Variants in NFILZ observed in about 807,000 individuals in gnomAD.
NFILZ encodes NFIL3 like protein.
chr19:8,643,981 C>A (rs2042928984), intron 3 of NFILZ, among the ~76,000 whole-genome samples: 1 of 152,086 alleles, frequency 6.6e-6, no homozygotes, highest in Non-Finnish European at 1.5e-5. Flanking sequence ...TCTCTCTCAG[C>A]CATTTGCATT....
In NFILZ at chr19:8,678,184, T is replaced by TCCTTCCATCCATTCATCCATCCGTCCAC. The variant is rs1568426465; in HGVS notation, c.*551_*552insTTCCATCCATTCATCCATCCGTCCACCC. On this transcript the variant is annotated 3_prime_UTR_variant, in exon 6 of 6. Coordinates refer to ENST00000691075, the MANE Select transcript of NFILZ (RefSeq NM_001378600.1). ...ATCCATCCATCCATCCATCCATCCA[T>TCCTTCCATCCATTCATCCATCCGTCCAC]CCATCCGTCCATCTATCCATCCATC... 2.0e-5 allele frequency among the ~76,000 whole-genome samples: 1 copy of TCCTTCCATCCATTCATCCATCCGTCCAC among 49,384 alleles called. No homozygotes were observed. The highest frequency in any genetic ancestry group is 2.5e-4 in the Admixed American group (1 of 3,926). 32.4% of individuals were successfully genotyped at this position (49,384 alleles called of 152,430 possible). A position where few individuals can be genotyped will look rare whatever the true frequency, so the allele number is the denominator to read the frequency against.
chr19:8,652,393 G>T (rs537040398), intron 3 of NFILZ, among the ~76,000 whole-genome samples: 43 of 152,296 alleles, frequency 2.8e-4, no homozygotes, highest in African/African-American at 9.6e-4. Context: ...TTGAGCCACC[G>T]CTCCTGGCTG....
Position 8,635,682 on chromosome 19 carries a change from T to C in NFILZ, c.-228T>C, listed in dbSNP as rs2042891341. ...AGTTGTTTCCAGTTTTGGTGACGAA[T>C]GCCCAAATTCATAGGCGATGATAAA... On this transcript the variant is annotated 5_prime_UTR_variant, in exon 3 of 6. It removes an upstream start codon present in the reference 5' UTR. Coordinates refer to ENST00000691075, the MANE Select transcript of NFILZ (RefSeq NM_001378600.1). The C allele has an allele frequency of 6.6e-6, 1 of 152,202 alleles. No homozygotes were observed. The highest frequency in any genetic ancestry group is 1.5e-5 in the Non-Finnish European group (1 of 68,036). The allele number at this position is 152,202 out of a possible 1,614,324, so 9.4% of individuals were successfully genotyped here. A position where few individuals can be genotyped will look rare whatever the true frequency, so the allele number is the denominator to read the frequency against.
At chr19:8,673,492 C>T (rs781846004) in intron 3 of NFILZ, among the ~76,000 whole-genome samples, 3 of 152,210 alleles carry the variant, frequency 2.0e-5, no homozygotes, top group Non-Finnish European at 4.4e-5. Flanking sequence ...TGTGGAGCCG[C>T]CTACCACTAC....
At chr19:8,659,513 G>A (rs1028854698) in intron 3 of NFILZ, among the ~76,000 whole-genome samples, 2 of 152,138 alleles carry the variant, frequency 1.3e-5, no homozygotes, top group Non-Finnish European at 2.9e-5. Flanking sequence ...AGTGTGGCTG[G>A]AGTAGGGTCA....
rs116388009 is a variant in NFILZ at position 8,653,374 on chromosome 19, C to T, written c.-164+17628C>T. Among the ~76,000 whole-genome samples the T allele has an allele frequency of 7.4e-3, 1,134 of 152,260 alleles. 19 individuals carry two copies. The highest frequency in any genetic ancestry group is 0.026 in the African/African-American group (1,076 of 41,536). ...GAGATTACAGGCATGAGCTACTGCGCCTGGCCTGCATTTATTTCATGGTTA... is the reference window on the plus strand; with the variant it reads ...GAGATTACAGGCATGAGCTACTGCGTCTGGCCTGCATTTATTTCATGGTTA... On this transcript the variant is annotated intron_variant, in intron 3 of 5. Coordinates refer to ENST00000691075, the MANE Select transcript of NFILZ (RefSeq NM_001378600.1).
intron 3 of NFILZ, among the ~76,000 whole-genome samples, chr19:8,641,829 CT>C (rs3040050): frequency 0.15 from 22,068 of 147,416 alleles, 2,268 homozygotes; most frequent in East Asian, 0.43. Flanking sequence ...TAAATGATAG[CT>C]TTTTTTTTTT....
chr19:8,677,917 T>C lies in NFILZ; in HGVS notation c.*282T>C. ...CCTCTTCCTTCCTCCTTTCCATTTA[T>C]CTATTCTTCCCTATAGCCATCCATT... On this transcript the variant is annotated 3_prime_UTR_variant, in exon 6 of 6. Transcript: ENST00000691075. Among the ~76,000 whole-genome samples the C allele has an allele frequency of 6.6e-6, 1 of 152,032 alleles. No individual in the cohort carries two copies. Among genetic ancestry groups the C allele is most frequent in the Non-Finnish European group, 1.5e-5 (1 of 67,988 alleles).
intron 3 of NFILZ, among the ~76,000 whole-genome samples, chr19:8,644,339 G>A (rs1367108644): frequency 1.3e-5 from 2 of 152,014 alleles, no homozygotes; most frequent in Non-Finnish European, 2.9e-5. Flanking sequence ...GACCTCAAGT[G>A]ATCCACATGC....
intron 3 of NFILZ, among the ~76,000 whole-genome samples, chr19:8,673,234 G>C (rs1267146616): frequency 1.3e-5 from 2 of 152,144 alleles, no homozygotes; most frequent in African/African-American, 4.8e-5. Flanking sequence ...AACTTTTCCT[G>C]AGCCTCAGTT....
chr19:8,638,062 A>C (rs1729217265), intron 3 of NFILZ, among the ~76,000 whole-genome samples: 1 of 152,160 alleles, frequency 6.6e-6, no homozygotes, highest in Non-Finnish European at 1.5e-5. Flanking sequence ...AGGCCACCTT[A>C]ATAGAGCAAA....
intron 3 of NFILZ, among the ~76,000 whole-genome samples, chr19:8,654,548 G>A (rs1161306811): frequency 6.6e-6 from 1 of 152,222 alleles, no homozygotes; most frequent in East Asian, 1.9e-4. Flanking sequence ...CCAGGAGGTC[G>A]AGGCTGCAGT....
chr19:8,662,607 G>A (rs1415017833), intron 3 of NFILZ, among the ~76,000 whole-genome samples: 2 of 151,890 alleles, frequency 1.3e-5, no homozygotes, highest in Admixed American at 6.6e-5. Context: ...GGTGGCAGGT[G>A]GAAGGATCTT....
At chr19:8,660,245 C>CGGAG (rs1484979045) in intron 3 of NFILZ, among the ~76,000 whole-genome samples, 4 of 152,048 alleles carry the variant, frequency 2.6e-5, no homozygotes, top group Non-Finnish European at 4.4e-5. Flanking sequence ...GTGGAGTCTC[C>CGGAG]CAAGGGTGTT....
intron 3 of NFILZ, among the ~76,000 whole-genome samples, chr19:8,669,029 C>A (rs2043075213): frequency 6.6e-6 from 1 of 152,202 alleles, no homozygotes; most frequent in African/African-American, 2.4e-5. Context: ...ACTGCAACCT[C>A]CATCTCCAGG....
chr19:8,652,771 T>A (rs886153138), intron 3 of NFILZ, among the ~76,000 whole-genome samples: 1 of 152,010 alleles, frequency 6.6e-6, no homozygotes, highest in Non-Finnish European at 1.5e-5. Flanking sequence ...CTTTCTTTTT[T>A]TCCTTTCTTT....
rs1048062094 is a variant in NFILZ, at chr19:8,640,362, A to T, written c.-164+4616A>T. Among the ~76,000 whole-genome samples the T allele has an allele frequency of 3.0e-5, 4 of 133,100 alleles. No individual in the cohort carries two copies. In the South Asian group the frequency reaches 1.0e-3, roughly 33 times the overall value. 87.3% of individuals were successfully genotyped at this position (133,100 alleles called of 152,430 possible). On this transcript the variant is annotated intron_variant, in intron 3 of 5. Coordinates refer to ENST00000691075, the MANE Select transcript of NFILZ (RefSeq NM_001378600.1). ...ACCATTGCTTGAGCTTCTGCATAAG[A>T]TGTTGCTTGACAAAGCATTCCACCA...
rs1156815752 is a variant in NFILZ, at chr19:8,678,213, TCATC to T, written c.*584_*587del. 5.2e-5 allele frequency among the ~76,000 whole-genome samples: 2 copies of T among 38,638 alleles called. No homozygotes were observed. The highest frequency in any genetic ancestry group is 2.2e-4 in the African/African-American group (2 of 9,234). The allele number at this position is 38,638 out of a possible 152,430, so 25.3% of individuals were successfully genotyped here. A position where few individuals can be genotyped will look rare whatever the true frequency, so the allele number is the denominator to read the frequency against. On this transcript the variant is annotated 3_prime_UTR_variant, in exon 6 of 6. Coordinates refer to ENST00000691075, the MANE Select transcript of NFILZ (RefSeq NM_001378600.1). ...TCCGTCCATCTATCCATCCATCCAT[TCATC>T]CATCCGTCCATCCATTCAGCCATCC... is the stretch of plus-strand genomic sequence containing the variant.
rs2043131114 is a variant in NFILZ at position 8,678,782 on chromosome 19, C to T, written c.*1147C>T. Among the ~76,000 whole-genome samples, 1 of 152,186 alleles carries T rather than the reference C, an allele frequency of 6.6e-6. No homozygotes were observed. The highest frequency in any genetic ancestry group is 1.9e-4 in the East Asian group (1 of 5,204). The stretch of plus-strand genomic sequence containing the variant: ...ACTTGTTTATTCATTCATTCTCTTA[C>T]TCATTAATTTACTTATAATTCACTT... On this transcript the variant is annotated 3_prime_UTR_variant, in exon 6 of 6. Transcript: ENST00000691075.
Sources: allele counts gnomAD v4.1 joint callset (sites outside exome capture counted in the v4.1 genomes callset), GRCh38; gene constraint gnomAD v4.1.1; transcripts MANE v1.5; gene names NCBI Gene and HGNC (gene_info 2026-07-23, HGNC 2026-07-21).